Variants in KIAA0825 observed in about 807,000 individuals in gnomAD.
The protein encoded by KIAA0825 is KIAA0825, also known as uncharacterized protein KIAA0825.
KIAA0825 carries 119 observed loss-of-function variants against 147.6 expected under a neutral mutation model. The observed-to-expected ratio is 0.81, with a 90% confidence interval of 0.69 to 0.94. The LOEUF is 0.94. Among genes scored for constraint, KIAA0825 ranks in the 40% least tolerant of loss-of-function variants. The pLI, the probability that KIAA0825 is intolerant of heterozygous loss-of-function variation, is 0.00. For missense variants in KIAA0825, 1,381 were observed against 1,472.7 expected (o/e 0.94, Z 1.02); for synonymous variants, 470 against 518.1 (o/e 0.91, Z 1.26).
chr5:94,548,156 A>G (rs1774826875), intron 2 of KIAA0825, among the ~76,000 whole-genome samples: 1 of 152,202 alleles, frequency 6.6e-6, no homozygotes, highest in Non-Finnish European at 1.5e-5. Context: ...TAAATTACTC[A>G]TATCTTAAAT....
At chr5:94,504,909 G>A (rs1031378893) in intron 5 of KIAA0825, among the ~76,000 whole-genome samples, 1 of 151,510 alleles carries the variant, frequency 6.6e-6, no homozygotes, top group Admixed American at 6.6e-5. Flanking sequence ...CACCATACCT[G>A]GCTAATTTTT....
At chr5:94,205,300 T>TATATATATATATATATA (rs1554242872) in intron 20 of KIAA0825, among the ~76,000 whole-genome samples, 87 of 133,798 alleles carry the variant, frequency 6.5e-4, no homozygotes, top group Non-Finnish European at 8.5e-4. Flanking sequence ...TATATATATA[T>TATATATATATATATATA]TTTGTTTTGT....
intron 10 of KIAA0825, among the ~76,000 whole-genome samples, chr5:94,465,651 T>C (rs1321628935): frequency 6.6e-6 from 1 of 152,228 alleles, no homozygotes; most frequent in African/African-American, 2.4e-5. Flanking sequence ...TAGAAACAGA[T>C]ACCACAATAG....
chr5:94,594,630 C>T, intron 1 of KIAA0825: 1 of 646,692 alleles, frequency 1.5e-6, no homozygotes, highest in Non-Finnish European at 2.9e-6. Flanking sequence ...AAATATCCTT[C>T]ACATAAAAGG....
At chr5:94,571,296 T>C (rs1267738292) in intron 2 of KIAA0825, among the ~76,000 whole-genome samples, 7 of 152,240 alleles carry the variant, frequency 4.6e-5, no homozygotes, top group African/African-American at 1.2e-4. Context: ...GAATGAACTT[T>C]CAAATGGTTT....
chr5:94,591,178 GAAGA>G (rs1443646333), intron 1 of KIAA0825, among the ~76,000 whole-genome samples: 2 of 152,080 alleles, frequency 1.3e-5, no homozygotes, highest in African/African-American at 4.8e-5. Flanking sequence ...AGAATTCACA[GAAGA>G]AACAGAATAG....
At chr5:94,368,164 A>G (rs1019568959) in intron 20 of KIAA0825, among the ~76,000 whole-genome samples, 2 of 152,170 alleles carry the variant, frequency 1.3e-5, no homozygotes, top group Non-Finnish European at 2.9e-5. Context: ...GATTATAAAT[A>G]TACTATTTCT....
intron 20 of KIAA0825, among the ~76,000 whole-genome samples, chr5:94,200,483 T>C (rs551909524): frequency 2.0e-5 from 3 of 152,198 alleles, no homozygotes; most frequent in African/African-American, 7.2e-5. Flanking sequence ...TCTTCCTAGT[T>C]GCATCCAGTC....
chr5:94,169,372 A>G (rs757469070), intron 20 of KIAA0825, among the ~76,000 whole-genome samples: 1 of 152,128 alleles, frequency 6.6e-6, no homozygotes, highest in Non-Finnish European at 1.5e-5. Flanking sequence ...ACCTGAGGTC[A>G]GGAGTTCAAG....
At chr5:94,390,957 G>A (rs562633188) in intron 18 of KIAA0825, among the ~76,000 whole-genome samples, 6 of 152,208 alleles carry the variant, frequency 3.9e-5, no homozygotes, top group Admixed American at 1.3e-4. Flanking sequence ...CTGAGATAAC[G>A]TGCTATTTAC....
rs1765016913 is a variant in KIAA0825 at position 94,501,021 on chromosome 5, G to A, written c.971-16091C>T. Among the ~76,000 whole-genome samples the A allele has an allele frequency of 2.6e-5, 4 of 152,190 alleles. No individual in the cohort carries two copies. In the South Asian group the frequency reaches 8.3e-4, roughly 32 times the overall value. On this transcript the variant is annotated intron_variant, in intron 5 of 20. Transcript: ENST00000682413. Reference sequence around the variant, plus strand: ...TCCACCCACCTCAGCCTCCGAAAGTGCTGGGATTACAGGCGTGAGCCACTG... The same window carrying A: ...TCCACCCACCTCAGCCTCCGAAAGTACTGGGATTACAGGCGTGAGCCACTG...
chr5:94,289,258 G>C lies in KIAA0825; in HGVS notation c.3710+95110C>G, dbSNP rs116589431. ...ACAACTGTAAAAATGTAAACTGGCC[G>C]GGAGTGGTGGCTCATACCTCTAATC... is the stretch of plus-strand genomic sequence containing the variant. On this transcript the variant is annotated intron_variant, in intron 20 of 20. Coordinates refer to ENST00000682413, the MANE Select transcript of KIAA0825 (RefSeq NM_001145678.3). Among the ~76,000 whole-genome samples, 318 of 152,216 alleles carry C rather than the reference G, an allele frequency of 2.1e-3. 2 individuals are homozygous for C. Among genetic ancestry groups the C allele is most frequent in the African/African-American group, 7.6e-3 (314 of 41,540 alleles).
Position 94,182,511 on chromosome 5 carries a change from C to T in KIAA0825, c.3711-28387G>A, listed in dbSNP as rs374889172. ...CTGACCTCAGGTGATCCACCTGCCT[C>T]GCCCTTCCAAAGTGGTAGGATTACA... On this transcript the variant is annotated intron_variant, in intron 20 of 20. Coordinates refer to ENST00000682413, the MANE Select transcript of KIAA0825 (RefSeq NM_001145678.3). Among the ~76,000 whole-genome samples, 113 of 151,786 alleles carry T rather than the reference C, an allele frequency of 7.4e-4. 1 individual carries two copies. Among genetic ancestry groups the T allele is most frequent in the African/African-American group, 2.6e-3 (107 of 41,434 alleles).
intron 20 of KIAA0825, among the ~76,000 whole-genome samples, chr5:94,376,294 A>G (rs1355104377): frequency 6.6e-6 from 1 of 152,196 alleles, no homozygotes; most frequent in East Asian, 1.9e-4. Context: ...TAGTAGATAC[A>G]AAACCAGAAG....
chr5:94,210,896 G>A (rs1772648251), intron 20 of KIAA0825, among the ~76,000 whole-genome samples: 1 of 152,166 alleles, frequency 6.6e-6, no homozygotes, highest in South Asian at 2.1e-4. Flanking sequence ...AAACAAAGAT[G>A]TAGTGTACAA....
At position 94,275,719 on chromosome 5, in the gene KIAA0825, A is replaced by G. The variant is rs17422775; in HGVS notation, c.3710+108649T>C. Among the ~76,000 whole-genome samples, 1,323 of 152,236 alleles carry G rather than the reference A, an allele frequency of 8.7e-3. 15 individuals carry two copies. The highest frequency in any genetic ancestry group is 0.042 in the South Asian group (203 of 4,822). ...GTTGTCTATGACATGTTGTCTCTCTATGGGTTCATATGGAGCCACCTTGCT... is the reference window on the plus strand; with the variant it reads ...GTTGTCTATGACATGTTGTCTCTCTGTGGGTTCATATGGAGCCACCTTGCT... On this transcript the variant is annotated intron_variant, in intron 20 of 20. Transcript: ENST00000682413.
chr5:94,403,362 C>A (rs6876445), intron 16 of KIAA0825, among the ~76,000 whole-genome samples: 5,104 of 152,148 alleles, frequency 0.034, 260 homozygotes, highest in African/African-American at 0.12. Context: ...TAAATAAAGA[C>A]TATGACCATT....
At chr5:94,227,235 A>G (rs1774266546) in intron 20 of KIAA0825, among the ~76,000 whole-genome samples, 1 of 152,190 alleles carries the variant, frequency 6.6e-6, no homozygotes, top group African/African-American at 2.4e-5. Context: ...TGATGAGTTC[A>G]TGTCCTTTGT....
At chr5:94,159,763 A>T (rs754034327) in intron 20 of KIAA0825, among the ~76,000 whole-genome samples, 2 of 152,160 alleles carry the variant, frequency 1.3e-5, no homozygotes, top group Non-Finnish European at 1.5e-5. Context: ...ACAGACTGTA[A>T]TAATGGCATT....
Sources: gnomAD v4.1 joint callset for allele counts (sites outside exome capture counted in the v4.1 genomes callset) on GRCh38, gnomAD v4.1.1 for gene constraint, MANE v1.5 for transcripts, NCBI Gene and HGNC (gene_info 2026-07-23, HGNC 2026-07-21) for gene names.